TENM3: variants seen among roughly 807,000 people sequenced by gnomAD.
TENM3 encodes the protein teneurin transmembrane protein 3, also known as teneurin-3.
Under a neutral mutation model 255.1 loss-of-function variants are expected in TENM3, and 63 were observed. The observed-to-expected ratio is 0.25, with a 90% CI of 0.20 to 0.30. The LOEUF is 0.30. Ranked by LOEUF, TENM3 falls within the 10% of genes least tolerant of loss-of-function variation. TENM3 has a pLI of 1.00. For synonymous variants in TENM3, 1,306 were observed against 1,322.3 expected (o/e 0.99, Z 0.27); for missense variants, 2,929 against 3,461.1 (o/e 0.85, Z 3.86).
At chr4:181,843,021 C>G in the TENM3 span, among the ~76,000 whole-genome samples, 32 of 152,274 alleles carry the variant, frequency 2.1e-4, no homozygotes, top group South Asian at 1.2e-3. Flanking sequence ...CTTCTCTTCA[C>G]TTTTAGGGAC....
At chr4:182,086,594 G>T in the TENM3 span, among the ~76,000 whole-genome samples, 1 of 152,002 alleles carries the variant, frequency 6.6e-6, no homozygotes, top group African/African-American at 2.4e-5. Flanking sequence ...GTAGGAAGGT[G>T]TTTTTTTCTT....
chr4:182,677,692 C>T (rs1327821048), intron 7 of TENM3, among the ~76,000 whole-genome samples: 1 of 152,226 alleles, frequency 6.6e-6, no homozygotes, highest in South Asian at 2.1e-4. Flanking sequence ...GACTGCTGAT[C>T]AGGTTATACT....
intron 6 of TENM3, among the ~76,000 whole-genome samples, chr4:182,671,068 A>G (rs12504552): frequency 0.24 from 36,160 of 151,990 alleles, 4,600 homozygotes; most frequent in East Asian, 0.39. Context: ...CTCCACAGAC[A>G]GATGCCACGT....
At chr4:182,258,671 C>A (rs899138953) in intron 1 of TENM3, among the ~76,000 whole-genome samples, 37 of 152,162 alleles carry the variant, frequency 2.4e-4, no homozygotes, top group African/African-American at 8.7e-4. Flanking sequence ...TGTGCTATAG[C>A]CTTTAGTCCC....
intron 13 of TENM3, among the ~76,000 whole-genome samples, chr4:182,725,058 GTT>G (rs34100362): frequency 6.9e-6 from 1 of 145,388 alleles, no homozygotes; most frequent in Admixed American, 6.9e-5. Context: ...GTTGTTTTGG[GTT>G]TTTTTTTTTT....
At chr4:182,236,386 A>G (rs1680709940) in intron 1 of TENM3, among the ~76,000 whole-genome samples, 1 of 152,154 alleles carries the variant, frequency 6.6e-6, no homozygotes, top group African/African-American at 2.4e-5. Context: ...GAAATGACAA[A>G]CTAGAACATG....
intron 3 of TENM3, among the ~76,000 whole-genome samples, chr4:182,530,896 A>C (rs149718127): frequency 1.4e-3 from 215 of 152,336 alleles, no homozygotes; most frequent in African/African-American, 4.8e-3. Context: ...CAGGTGATAA[A>C]GGGGACTGGG....
chr4:182,605,513 CTTAAA>C (rs1371580325), intron 4 of TENM3, among the ~76,000 whole-genome samples: 5 of 147,428 alleles, frequency 3.4e-5, no homozygotes, highest in Non-Finnish European at 6.0e-5. Context: ...GGAAAGTCAA[CTTAAA>C]TTATATACTA....
At chr4:181,912,679 G>A in the TENM3 span, among the ~76,000 whole-genome samples, 1 of 148,290 alleles carries the variant, frequency 6.7e-6, no homozygotes, top group African/African-American at 2.6e-5. Flanking sequence ...GGCTGAGGAA[G>A]AAGAATCACT....
At chr4:181,617,265 G>A in the TENM3 span, among the ~76,000 whole-genome samples, 1 of 152,004 alleles carries the variant, frequency 6.6e-6, no homozygotes, top group African/African-American at 2.4e-5. Flanking sequence ...ATTCTGTGGG[G>A]AAAAAAATAG....
rs150419437 is a variant in TENM3, at chr4:182,213,539, C to A, written c.-76+68785C>A. On this transcript the variant is annotated intron_variant, in intron 1 of 2. Coordinates refer to the TENM3 transcript ENST00000512480. ...AATGTGCTTAATTATTATCTCGATTCAATTCAATGCAATGGTGATTCATTG... is the reference window on the plus strand; with the variant it reads ...AATGTGCTTAATTATTATCTCGATTAAATTCAATGCAATGGTGATTCATTG... Among the ~76,000 whole-genome samples the A allele has an allele frequency of 3.9e-5, 6 of 152,270 alleles. No homozygotes were observed. The East Asian group carries it at 1.2e-3, about 29-fold the overall frequency.
the TENM3 span, among the ~76,000 whole-genome samples, chr4:181,857,772 AAG>A: frequency 2.0e-5 from 3 of 151,774 alleles, no homozygotes; most frequent in Non-Finnish European, 2.9e-5. Flanking sequence ...ACAAAAAAAA[AAG>A]AGAGAGAGAG....
chr4:182,371,743 TC>T (rs1292256360), intron 3 of TENM3, among the ~76,000 whole-genome samples: 4 of 152,174 alleles, frequency 2.6e-5, no homozygotes, highest in Non-Finnish European at 4.4e-5. Flanking sequence ...CTCCCTCCCG[TC>T]CCCTCTCATT....
chr4:181,714,600 T>G, the TENM3 span, among the ~76,000 whole-genome samples: 1 of 152,186 alleles, frequency 6.6e-6, no homozygotes, highest in Non-Finnish European at 1.5e-5. Context: ...CAGTATATAT[T>G]TTCTTGCTTT....
the TENM3 span, among the ~76,000 whole-genome samples, chr4:181,845,704 T>TTA: frequency 6.6e-6 from 1 of 152,224 alleles, no homozygotes; most frequent in Non-Finnish European, 1.5e-5. Context: ...CATGCATTTA[T>TTA]TAACGCTCTA....
chr4:182,221,143 T>G (rs1355633238), intron 1 of TENM3, among the ~76,000 whole-genome samples: 4 of 152,226 alleles, frequency 2.6e-5, no homozygotes, highest in Admixed American at 6.5e-5. Context: ...CAGTTCTTGA[T>G]TTCACTTGTG....
chr4:182,633,287 G>A (rs1166022231), intron 5 of TENM3, among the ~76,000 whole-genome samples: 2 of 152,136 alleles, frequency 1.3e-5, no homozygotes, highest in Non-Finnish European at 2.9e-5. Context: ...TGGTTTTTCA[G>A]TAACTATTTT....
chr4:181,624,083 A>G, the TENM3 span, among the ~76,000 whole-genome samples: 1 of 152,190 alleles, frequency 6.6e-6, no homozygotes, highest in Non-Finnish European at 1.5e-5. Context: ...CAAAGTAAGT[A>G]TCTGTCACAT....
chr4:181,918,945 T>A, the TENM3 span, among the ~76,000 whole-genome samples: 46 of 152,224 alleles, frequency 3.0e-4, 1 homozygote, highest in East Asian at 8.7e-3. Flanking sequence ...TTTAATAGGA[T>A]GTTAACTTTG....
Sources: gnomAD v4.1 joint callset for allele counts (sites outside exome capture counted in the v4.1 genomes callset) on GRCh38, gnomAD v4.1.1 for gene constraint, MANE v1.5 for transcripts, NCBI Gene and HGNC (gene_info 2026-07-23, HGNC 2026-07-21) for gene names.